Variants in MARK3 observed in about 807,000 individuals in gnomAD.
MARK3 encodes microtubule affinity regulating kinase 3.
In MARK3, 46 loss-of-function variants were observed where a neutral mutation model predicts 90.1. The observed-to-expected ratio is 0.51, with a 90% CI of 0.40 to 0.65. MARK3 has a LOEUF of 0.65. MARK3 is among the 30% of genes least tolerant of loss of function. The probability of loss-of-function intolerance (pLI) is 0.00; values close to 1 mark genes in which losing one functional copy is unlikely to be tolerated. For synonymous variants in MARK3, 321 were observed against 332.6 expected, an observed-to-expected ratio of 0.97 and a Z score of 0.38; for missense variants, 818 against 947.2, an observed-to-expected ratio of 0.86 and a Z score of 1.79.
intron 1 of MARK3, among the ~76,000 whole-genome samples, chr14:103,391,199 C>T (rs1459049950): frequency 1.3e-5 from 2 of 152,132 alleles, no homozygotes; most frequent in Non-Finnish European, 2.9e-5. Flanking sequence ...TTTTACAGTA[C>T]GTAGGACAGC....
At chr14:103,441,277 T>C (rs770237900) in intron 3 of MARK3, among the ~76,000 whole-genome samples, 27 of 151,732 alleles carry the variant, frequency 1.8e-4, no homozygotes, top group Non-Finnish European at 3.7e-4. Flanking sequence ...TTTATGTCTT[T>C]TTTGTTTTTT....
rs2093486557 is a variant in MARK3, at chr14:103,465,530, A to G, written c.541-27A>G. ...TCTAATTCTATTTTGGCTAAATTTC[A>G]TTTTTGTCTTGATGTTTTCCCTCTA... On this transcript the variant is annotated intron_variant, in intron 7 of 17. Transcript: ENST00000429436. 4 of 1,523,918 alleles carry G rather than the reference A, an allele frequency of 2.6e-6. 1 individual carries two copies. The South Asian group carries it at 3.4e-5, about 13-fold the overall frequency. The allele number at this position is 1,523,918 out of a possible 1,614,324, so 94.4% of individuals were successfully genotyped here. A position where few individuals can be genotyped will look rare whatever the true frequency, so the allele number is the denominator to read the frequency against.
intron 1 of MARK3, among the ~76,000 whole-genome samples, chr14:103,393,635 A>T (rs181273383): frequency 6.6e-6 from 1 of 152,258 alleles, no homozygotes; most frequent in Non-Finnish European, 1.5e-5. Context: ...CATGATATAT[A>T]CATTGTATAA....
At chr14:103,402,458 A>G (rs1449572418) in intron 1 of MARK3, among the ~76,000 whole-genome samples, 1 of 152,012 alleles carries the variant, frequency 6.6e-6, no homozygotes, top group African/African-American at 2.4e-5. Context: ...AGGCTGAGGC[A>G]GGAGAATTGC....
chr14:103,458,374 G>A (rs558763845), intron 6 of MARK3, among the ~76,000 whole-genome samples: 1 of 143,968 alleles, frequency 6.9e-6, no homozygotes, highest in Non-Finnish European at 1.5e-5. Flanking sequence ...CAGGAGAATC[G>A]CTTGAACCTG....
intron 2 of MARK3, among the ~76,000 whole-genome samples, chr14:103,415,158 A>C (rs969502834): frequency 6.7e-6 from 1 of 150,164 alleles, no homozygotes; most frequent in Non-Finnish European, 1.5e-5. Flanking sequence ...CTCAAAAAAA[A>C]AAAAAAAAAA....
At chr14:103,394,230 C>T (rs2090442981) in intron 1 of MARK3, among the ~76,000 whole-genome samples, 1 of 152,148 alleles carries the variant, frequency 6.6e-6, no homozygotes, top group African/African-American at 2.4e-5. Context: ...GTCTCATATC[C>T]ATTTTCAAAT....
At chr14:103,495,918 G>C (rs947570079) in intron 15 of MARK3, among the ~76,000 whole-genome samples, 3 of 152,236 alleles carry the variant, frequency 2.0e-5, no homozygotes, top group African/African-American at 7.2e-5. Context: ...TTTGCACTTA[G>C]ATGCTGCAAG....
chr14:103,402,610 T>C (rs187363706), intron 1 of MARK3, among the ~76,000 whole-genome samples: 188 of 152,240 alleles, frequency 1.2e-3, no homozygotes, highest in South Asian at 1.7e-3. Flanking sequence ...TTGGTTTGCA[T>C]GAAAATTATT....
chr14:103,483,002 T>C (rs1209255434), intron 14 of MARK3, among the ~76,000 whole-genome samples: 1 of 152,220 alleles, frequency 6.6e-6, no homozygotes, highest in Non-Finnish European at 1.5e-5. Context: ...ATTTGGACTT[T>C]CCTTTCCTAT....
chr14:103,391,122 T>C lies in MARK3; in HGVS notation c.51+5042T>C, dbSNP rs537658323. On this transcript the variant is annotated intron_variant, in intron 1 of 17. Coordinates refer to ENST00000429436, the MANE Select transcript of MARK3 (RefSeq NM_001128918.3). ...TTGCCCTCTAGTGGACATTTGACAATGTCTAAAGACATCTTTGGTTATCAC... is the reference window on the plus strand; with the variant it reads ...TTGCCCTCTAGTGGACATTTGACAACGTCTAAAGACATCTTTGGTTATCAC... 1.8e-4 allele frequency among the ~76,000 whole-genome samples: 28 copies of C among 152,346 alleles called. No homozygotes were observed. The South Asian group carries it at 5.6e-3, about 30-fold the overall frequency.
At chr14:103,424,947 T>G (rs968744594) in intron 2 of MARK3, among the ~76,000 whole-genome samples, 1 of 152,138 alleles carries the variant, frequency 6.6e-6, no homozygotes, top group Non-Finnish European at 1.5e-5. Context: ...TATTTATTTA[T>G]TTTTATTTTT....
intron 3 of MARK3, among the ~76,000 whole-genome samples, chr14:103,446,799 C>T (rs2093009128): frequency 7.4e-6 from 1 of 135,892 alleles, no homozygotes; most frequent in African/African-American, 2.9e-5. Flanking sequence ...CTCACTGCAA[C>T]CTCCAGGAGG....
Position 103,468,821 on chromosome 14 carries a change from G to T in MARK3, c.1264+635G>T, listed in dbSNP as rs1232733545. 4.7e-5 allele frequency among the ~76,000 whole-genome samples: 7 copies of T among 149,324 alleles called. No individual in the cohort carries two copies. In the East Asian group the frequency reaches 1.2e-3, roughly 25 times the overall value. On this transcript the variant is annotated intron_variant, in intron 12 of 17. Coordinates refer to ENST00000429436, the MANE Select transcript of MARK3 (RefSeq NM_001128918.3). ...TTTTTTTTTTTAAATGGAGATGGGG[G>T]TCTCGCTATGTTGCCCAAGCTGGTC...
chr14:103,419,284 C>T (rs1014363957), intron 2 of MARK3, among the ~76,000 whole-genome samples: 2 of 151,996 alleles, frequency 1.3e-5, no homozygotes, highest in Admixed American at 6.6e-5. Flanking sequence ...GAGCGAGACC[C>T]CGTCTCATAA....
At chr14:103,502,378 G>A (rs1411164176) in intron 17 of MARK3, among the ~76,000 whole-genome samples, 1 of 152,202 alleles carries the variant, frequency 6.6e-6, no homozygotes, top group Non-Finnish European at 1.5e-5. Context: ...TTCAGCCTCA[G>A]GGCTGTACAG....
intron 15 of MARK3, among the ~76,000 whole-genome samples, chr14:103,495,962 G>A (rs2075314237): frequency 6.6e-6 from 1 of 152,244 alleles, no homozygotes; most frequent in Non-Finnish European, 1.5e-5. Context: ...GGAGAGGGCT[G>A]CAGTCAGGAA....
rs61200962 is a variant in MARK3, at chr14:103,409,435, TAAAAAAAAAAAAAAA to T, written c.243+4184_243+4198del. On this transcript the variant is annotated intron_variant, in intron 2 of 17. Coordinates refer to ENST00000429436, the MANE Select transcript of MARK3 (RefSeq NM_001128918.3). ...TGCACATGTATCCCAGAACTTAAAG[TAAAAAAAAAAAAAAA>T]AAAAAAAAAAAAAAAGGAAAAACTT... Among the ~76,000 whole-genome samples the T allele has an allele frequency of 1.7e-3, 155 of 93,430 alleles. 1 individual carries two copies. Among genetic ancestry groups the T allele is most frequent in the African/African-American group, 4.4e-3 (106 of 24,120 alleles). 61.3% of individuals were successfully genotyped at this position (93,430 alleles called of 152,430 possible). A position where few individuals can be genotyped will look rare whatever the true frequency, so the allele number is the denominator to read the frequency against.
Position 103,471,133 on chromosome 14 carries a change from C to T in MARK3, c.1264+2947C>T, listed in dbSNP as rs145263517. Among the ~76,000 whole-genome samples the T allele has an allele frequency of 3.0e-4, 46 of 152,234 alleles. 1 individual carries two copies. The East Asian group carries it at 8.9e-3, about 29-fold the overall frequency. ...AAGGGGGGTTTCTAGTGCTTATGGA[C>T]CACATGGCAATTAAATGCCCATATA... is the stretch of plus-strand genomic sequence containing the variant. On this transcript the variant is annotated intron_variant, in intron 12 of 17. Transcript: ENST00000429436.
Sources: allele counts gnomAD v4.1 joint callset (sites outside exome capture counted in the v4.1 genomes callset), GRCh38; gene constraint gnomAD v4.1.1; transcripts MANE v1.5; gene names NCBI Gene and HGNC (gene_info 2026-07-23, HGNC 2026-07-21).